TBC1D2: variants seen among roughly 807,000 people sequenced by gnomAD.
TBC1D2 encodes the protein TBC1 domain family member 2A.
Under a neutral mutation model 91.1 loss-of-function variants are expected in TBC1D2, and 58 were observed. That is an observed-to-expected ratio of 0.64 (90% CI 0.52 to 0.79). TBC1D2 has a LOEUF of 0.79. Among genes scored for constraint, TBC1D2 ranks in the 30% least tolerant of loss-of-function variants. The pLI is 0.00. For missense variants in TBC1D2, 1,080 were observed against 1,208.3 expected, an observed-to-expected ratio of 0.89 and a Z score of 1.57; for synonymous variants, 482 against 511.5, an observed-to-expected ratio of 0.94 and a Z score of 0.78.
At chr9:98,220,729 T>G (rs1829074023) in intron 6 of TBC1D2, 104 bp downstream of exon 6, 2 of 1,409,484 alleles carry the variant, frequency 1.4e-6, no homozygotes, top group Admixed American at 4.4e-5. Context: ...TGAAGGGGTA[T>G]CCCCACTCCA....
Position 98,220,833 on chromosome 9 carries a change from C to T in TBC1D2, c.1374G>A (p.Lys458=). The change falls in exon 6 of 13, where the codon AAG becomes AAA. Residue 458 remains lysine, a splice_region_variant and synonymous_variant. Transcript: ENST00000465784. ...LSQQGKIEHL[K]DDMEAYRTQN... is the part of the protein sequence containing the mutation. The stretch of plus-strand genomic sequence containing the variant: ...GCAGGCCCTGAGGGGAGGCCCCTAC[C>T]TTCAGGTGCTCTATCTTCCCCTGCT... 1 of 1,613,674 alleles carries T rather than the reference C, an allele frequency of 6.2e-7. No individual in the cohort carries two copies. Among genetic ancestry groups the T allele is most frequent in the Non-Finnish European group, 8.5e-7 (1 of 1,179,686 alleles).
chr9:98,252,063 T>A, intron 1 of TBC1D2, 137 bp from the exon 2 acceptor site: 1 of 1,129,028 alleles, frequency 8.9e-7, no homozygotes, highest in Non-Finnish European at 1.2e-6. Context: ...TGTAGGTATG[T>A]ATGCTTCCTG....
chr9:98,239,656 G>A (rs1312396119), intron 3 of TBC1D2, among the ~76,000 whole-genome samples: 1 of 152,088 alleles, frequency 6.6e-6, no homozygotes, highest in Non-Finnish European at 1.5e-5. Context: ...GTTTGGTTTT[G>A]GTATCAGAAT....
chr9:98,244,515 C>T (rs1829721185), intron 2 of TBC1D2, among the ~76,000 whole-genome samples: 1 of 152,010 alleles, frequency 6.6e-6, no homozygotes, highest in African/African-American at 2.4e-5. Flanking sequence ...CAAAATTAGC[C>T]AGGCGTGGTG....
rs556220897 is a variant in TBC1D2, at chr9:98,237,927, A to G, written c.648-4378T>C. Reference sequence around the variant, plus strand: ...TTTTTTTCTTTTTTTTTTTTGAGACAGAGTCTCACTCTGTTGCCCAGGCTG... The same window carrying G: ...TTTTTTTCTTTTTTTTTTTTGAGACGGAGTCTCACTCTGTTGCCCAGGCTG... On this transcript the variant is annotated intron_variant, in intron 3 of 12. Transcript: ENST00000465784. 2.1e-5 allele frequency among the ~76,000 whole-genome samples: 3 copies of G among 145,162 alleles called. No homozygotes were observed. In the East Asian group the frequency reaches 6.0e-4, roughly 29 times the overall value.
chr9:98,218,240 C>A (rs1829015182), intron 6 of TBC1D2, among the ~76,000 whole-genome samples: 1 of 152,024 alleles, frequency 6.6e-6, no homozygotes, highest in Non-Finnish European at 1.5e-5. Context: ...GAATCACATA[C>A]CCAGAGTCTC....
At chr9:98,208,017 C>G (rs1452768033) in intron 9 of TBC1D2, among the ~76,000 whole-genome samples, 3 of 152,188 alleles carry the variant, frequency 2.0e-5, no homozygotes, top group Non-Finnish European at 4.4e-5. Context: ...ATGGGTTTCA[C>G]TGAAAGCGAA....
At position 98,208,732 on chromosome 9, in the gene TBC1D2, G is replaced by A. The variant is rs372817925; in HGVS notation, c.2086C>T (p.Arg696Cys). ...CAGGAGAAGGCCAGCAGCACCCGGC[G>A]GAGCTTGTCGGGGAAGCTGGAGGTG... ...CPTSSFPDKL[R>C]RVLLAFSWQN... Residue 696 changes from arginine to cysteine, a missense_variant, in exon 9 of 13, where the codon CGC becomes TGC. Arg to Cys is a radical substitution (Grantham distance 180). Transcript: ENST00000465784. 106 of 1,559,124 alleles carry A rather than the reference G, an allele frequency of 6.8e-5. 1 individual carries two copies. The South Asian group carries it at 1.1e-3, about 17-fold the overall frequency.
intron 1 of TBC1D2, 61 bp from the exon 2 acceptor site, chr9:98,251,987 G>T: frequency 6.5e-7 from 1 of 1,545,744 alleles, no homozygotes; most frequent in African/African-American, 1.4e-5. Flanking sequence ...CTGGGTGCAG[G>T]AAGAGGGGAA....
At chr9:98,235,545 G>T in intron 3 of TBC1D2, 3 of 452,918 alleles carry the variant, frequency 6.6e-6, no homozygotes, top group Admixed American at 2.6e-5. Flanking sequence ...TGATTTATTC[G>T]ACATTCAAAA....
At chr9:98,201,218 G>C (rs1316326889) in intron 11 of TBC1D2, among the ~76,000 whole-genome samples, 10 of 152,112 alleles carry the variant, frequency 6.6e-5, no homozygotes, top group Non-Finnish European at 1.3e-4. Context: ...GGTGACTAGG[G>C]GGCAAGGACA....
In TBC1D2 at chr9:98,238,740, T is replaced by C. The variant is rs528603592; in HGVS notation, c.648-5191A>G. 7.3e-5 allele frequency among the ~76,000 whole-genome samples: 10 copies of C among 136,694 alleles called. 1 individual carries two copies. The South Asian group carries it at 2.1e-3, about 29-fold the overall frequency. 89.7% of individuals were successfully genotyped at this position (136,694 alleles called of 152,430 possible). A position where few individuals can be genotyped will look rare whatever the true frequency, so the allele number is the denominator to read the frequency against. On this transcript the variant is annotated intron_variant, in intron 3 of 12. Coordinates refer to ENST00000465784, the MANE Select transcript of TBC1D2 (RefSeq NM_001267571.2). ...GTTTCGTTCTACTTGTTTTTTTTGT[T>C]TTTTGTTTTTTGTTTTCTGAGACGG... is the stretch of plus-strand genomic sequence containing the variant.
chr9:98,247,740 A>G (rs1234496182), intron 2 of TBC1D2, among the ~76,000 whole-genome samples: 3 of 151,808 alleles, frequency 2.0e-5, no homozygotes, highest in African/African-American at 7.2e-5. Flanking sequence ...AAAAAAAAAA[A>G]AAAAAAAAAA....
At chr9:98,199,631 T>C in intron 12 of TBC1D2, 43 bp from the exon 13 acceptor site, 1 of 1,605,898 alleles carries the variant, frequency 6.2e-7, no homozygotes, top group Non-Finnish European at 8.5e-7. Flanking sequence ...TCACCCCACC[T>C]GGCCGGCGTT....
At chr9:98,213,536 A>C in intron 6 of TBC1D2, 1 of 537,024 alleles carries the variant, frequency 1.9e-6, no homozygotes, top group Non-Finnish European at 2.7e-6. Context: ...ATACCAACTA[A>C]CCTACTGGGC....
In TBC1D2 at chr9:98,201,674, A is replaced by G; in HGVS notation, c.2272-10T>C. The G allele has an allele frequency of 2.5e-6, 4 of 1,605,790 alleles. No individual in the cohort carries two copies. The highest frequency in any genetic ancestry group is 1.3e-5 in the African/African-American group (1 of 74,934). Reference sequence around the variant, plus strand: ...GCACCCGCTGGTCCACCTGGAAGCCAGCGAGAGGGCCTGTCATCTGCAGCC... The same window carrying G: ...GCACCCGCTGGTCCACCTGGAAGCCGGCGAGAGGGCCTGTCATCTGCAGCC... On this transcript the variant is annotated splice_polypyrimidine_tract_variant and intron_variant, in intron 10 of 12. Coordinates refer to ENST00000465784, the MANE Select transcript of TBC1D2 (RefSeq NM_001267571.2).
chr9:98,200,039 G>T (rs889479197), intron 12 of TBC1D2, among the ~76,000 whole-genome samples: 3 of 152,050 alleles, frequency 2.0e-5, no homozygotes, highest in Non-Finnish European at 4.4e-5. Flanking sequence ...GGGGAAGGTG[G>T]GCAAAAAATG....
chr9:98,199,254 G>A lies in TBC1D2; in HGVS notation c.*127C>T. ...AGTGGGGAAACTGAGGGCCAGAGAG[G>A]GGAAGGGACATGTCCAAGGTCACAT... On this transcript the variant is annotated 3_prime_UTR_variant, in exon 13 of 13. Coordinates refer to ENST00000465784, the MANE Select transcript of TBC1D2 (RefSeq NM_001267571.2). 9.8e-7 allele frequency: 1 copy of A among 1,024,096 alleles called. No individual in the cohort carries two copies. Among genetic ancestry groups the A allele is most frequent in the South Asian group, 1.5e-5 (1 of 65,384 alleles). 63.4% of individuals were successfully genotyped at this position (1,024,096 alleles called of 1,614,324 possible).
chr9:98,229,213 G>C, intron 4 of TBC1D2, 65 bp from the exon 5 acceptor site: 1 of 1,496,684 alleles, frequency 6.7e-7, no homozygotes, highest in Non-Finnish European at 9.2e-7. Flanking sequence ...ACCTGAGCTT[G>C]CTTTAGAAGC....
Sources: allele counts gnomAD v4.1 joint callset (sites outside exome capture counted in the v4.1 genomes callset), GRCh38; gene constraint gnomAD v4.1.1; transcripts MANE v1.5; gene names NCBI Gene and HGNC (gene_info 2026-07-23, HGNC 2026-07-21).